MYLK: variants seen among roughly 807,000 people sequenced by gnomAD.
MYLK encodes myosin light chain kinase, also known as myosin light chain kinase, smooth muscle.
Under a neutral mutation model 203.4 loss-of-function variants are expected in MYLK, and 106 were observed. The ratio of observed to expected loss-of-function variants is 0.52; its 90% CI spans 0.45 to 0.61. The LOEUF (loss-of-function observed/expected upper bound fraction) is 0.61. Ranked by LOEUF, MYLK falls within the 20% of genes least tolerant of loss-of-function variation. MYLK has a pLI of 0.00. For synonymous variants in MYLK, 867 were observed against 959.5 expected (o/e 0.90, Z 1.78); for missense variants, 2,072 against 2,442.3 (o/e 0.85, Z 3.20).
chr3:123,793,217 G>GCTTCT (rs2064851463), intron 4 of MYLK, among the ~76,000 whole-genome samples: 1 of 152,138 alleles, frequency 6.6e-6, no homozygotes, highest in Non-Finnish European at 1.5e-5. Flanking sequence ...TGAAATGAGA[G>GCTTCT]GTCCTATCAC....
chr3:123,723,860 T>C (rs1237575384), intron 12 of MYLK, among the ~76,000 whole-genome samples: 1 of 152,216 alleles, frequency 6.6e-6, no homozygotes, highest in Non-Finnish European at 1.5e-5. Flanking sequence ...TAATTGCAGC[T>C]TGTTTTTGTA....
intron 2 of MYLK, among the ~76,000 whole-genome samples, chr3:123,873,981 A>G (rs2148715264): frequency 6.6e-6 from 1 of 152,246 alleles, no homozygotes; most frequent in East Asian, 1.9e-4. Flanking sequence ...AAACTATAAA[A>G]TATTGATAAG....
intron 21 of MYLK, 21 bp from the exon 22 acceptor site, chr3:123,666,367 A>C (rs2059734453): frequency 6.2e-7 from 1 of 1,613,984 alleles, no homozygotes; most frequent in Non-Finnish European, 8.5e-7. Flanking sequence ...ACAGGGAGAA[A>C]GTGAGCGAGG....
At chr3:123,764,390 A>G (rs2063636183) in intron 4 of MYLK, among the ~76,000 whole-genome samples, 1 of 152,184 alleles carries the variant, frequency 6.6e-6, no homozygotes, top group Admixed American at 6.5e-5. Flanking sequence ...ATCAACATCA[A>G]TATCTGCAGA....
intron 2 of MYLK, among the ~76,000 whole-genome samples, chr3:123,849,903 C>T (rs1220135066): frequency 6.6e-6 from 1 of 152,158 alleles, no homozygotes; most frequent in African/African-American, 2.4e-5. Flanking sequence ...CTCCCCACAC[C>T]CTACAACAGG....
chr3:123,617,982 C>T (rs1258748268), intron 33 of MYLK: 1 of 153,000 alleles, frequency 6.5e-6, no homozygotes, highest in East Asian at 1.9e-4. Flanking sequence ...GTGCCTGGCT[C>T]CCAACTGGCC....
At chr3:123,806,371 C>A (rs1368582893) in intron 3 of MYLK, among the ~76,000 whole-genome samples, 1 of 152,144 alleles carries the variant, frequency 6.6e-6, no homozygotes, top group Admixed American at 6.5e-5. Context: ...CCATGGTAAT[C>A]TAAGCAGGTG....
chr3:123,736,674 C>T (rs950132468), intron 8 of MYLK, among the ~76,000 whole-genome samples: 3 of 152,106 alleles, frequency 2.0e-5, no homozygotes, highest in East Asian at 3.9e-4. Flanking sequence ...GGGGTCAAGT[C>T]GAAGGATCGC....
At chr3:123,813,793 G>A (rs2065645449) in intron 3 of MYLK, among the ~76,000 whole-genome samples, 1 of 152,174 alleles carries the variant, frequency 6.6e-6, no homozygotes, top group Non-Finnish European at 1.5e-5. Context: ...TTACAGGCAT[G>A]AGCCACCATG....
chr3:123,791,893 TA>T (rs2064797207), intron 4 of MYLK, among the ~76,000 whole-genome samples: 1 of 152,278 alleles, frequency 6.6e-6, no homozygotes, highest in Admixed American at 6.5e-5. Flanking sequence ...GTATACTTTC[TA>T]ACTTCATGAA....
intron 2 of MYLK, among the ~76,000 whole-genome samples, chr3:123,861,600 A>T (rs1453159792): frequency 6.6e-6 from 1 of 152,216 alleles, no homozygotes; most frequent in Non-Finnish European, 1.5e-5. Flanking sequence ...ACTCTGCCCA[A>T]GCTGTCTTTG....
intron 11 of MYLK, among the ~76,000 whole-genome samples, chr3:123,731,287 C>G (rs1390718598): frequency 2.0e-5 from 3 of 152,224 alleles, no homozygotes; most frequent in Admixed American, 2.0e-4. Context: ...AGTGAATCAA[C>G]AGTATACAGT....
chr3:123,869,837 GTCTGT>G (rs1480248525), intron 2 of MYLK, among the ~76,000 whole-genome samples: 1 of 152,136 alleles, frequency 6.6e-6, no homozygotes, highest in East Asian at 1.9e-4. Flanking sequence ...TGAAACCCAG[GTCTGT>G]TAGCTCCAGG....
Position 123,699,664 on chromosome 3 carries a change from C to T in MYLK, c.3448+356G>A, listed in dbSNP as rs149221364. Among the ~76,000 whole-genome samples, 58 of 152,334 alleles carry T rather than the reference C, an allele frequency of 3.8e-4. No homozygotes were observed. In the East Asian group the frequency reaches 4.1e-3, roughly 11 times the overall value. ...CCTGTAGACAGAGCCCTCTCCATGC[C>T]GGAGCTTGGAATTAACTCAGGCTCA... On this transcript the variant is annotated intron_variant, in intron 18 of 33. Transcript: ENST00000360304.
At chr3:123,841,667 T>C (rs2066594990) in intron 2 of MYLK, among the ~76,000 whole-genome samples, 1 of 152,136 alleles carries the variant, frequency 6.6e-6, no homozygotes. Context: ...TCATATGTTT[T>C]CAATGAGTCA....
chr3:123,665,266 T>C (rs113784485), intron 22 of MYLK, among the ~76,000 whole-genome samples: 10 of 152,338 alleles, frequency 6.6e-5, no homozygotes, highest in African/African-American at 1.4e-4. Context: ...AGCACAGAGA[T>C]AACACTTTCA....
At chr3:123,828,573 AG>A (rs2066215376) in intron 3 of MYLK, among the ~76,000 whole-genome samples, 1 of 152,216 alleles carries the variant, frequency 6.6e-6, no homozygotes, top group Admixed American at 6.5e-5. Flanking sequence ...AGACCTCAAA[AG>A]CACAGGGAAC....
chr3:123,635,469 T>C (rs1464034948), intron 29 of MYLK, among the ~76,000 whole-genome samples: 1 of 152,138 alleles, frequency 6.6e-6, no homozygotes, highest in Non-Finnish European at 1.5e-5. Flanking sequence ...GTCCAGGAGC[T>C]AAGATGTGGC....
intron 27 of MYLK, among the ~76,000 whole-genome samples, chr3:123,645,293 G>A (rs745558923): frequency 6.6e-6 from 1 of 152,188 alleles, no homozygotes; most frequent in Non-Finnish European, 1.5e-5. Flanking sequence ...GGGATTTGAA[G>A]TAAGGTTCAT....
Sources: allele counts gnomAD v4.1 joint callset (sites outside exome capture counted in the v4.1 genomes callset), GRCh38; gene constraint gnomAD v4.1.1; transcripts MANE v1.5; gene names NCBI Gene and HGNC (gene_info 2026-07-23, HGNC 2026-07-21).